The following MMP26 variants were observed in gnomAD, a reference collection of about 807,000 sequenced individuals.
The protein encoded by MMP26 is matrix metallopeptidase 26.
MMP26 carries 33 observed loss-of-function variants against 31.0 expected under a neutral mutation model. The observed-to-expected ratio is 1.06, with a 90% CI of 0.81 to 1.42. MMP26 has a LOEUF of 1.42. Among genes scored for constraint, MMP26 ranks in the 40% most tolerant of loss-of-function variants. The pLI, the probability that MMP26 is intolerant of heterozygous loss-of-function variation, is 0.00. For missense variants in MMP26, 347 were observed against 316.1 expected (o/e 1.10, Z -0.74); for synonymous variants, 122 against 114.9 (o/e 1.06, Z -0.40).
chr11:4,857,602 A>G (rs1442822065), intron 2 of MMP26, among the ~76,000 whole-genome samples: 1 of 152,154 alleles, frequency 6.6e-6, no homozygotes, highest in African/African-American at 2.4e-5. Flanking sequence ...CAACCAAAAA[A>G]AGTCCAGGAC....
At chr11:4,905,279 T>C (rs904835965) in intron 2 of MMP26, among the ~76,000 whole-genome samples, 1 of 152,134 alleles carries the variant, frequency 6.6e-6, no homozygotes, top group African/African-American at 2.4e-5. Context: ...TGGTGGGAGA[T>C]TAATGAGTCA....
At chr11:4,782,018 C>T (rs1023660052) in intron 2 of MMP26, among the ~76,000 whole-genome samples, 1 of 152,158 alleles carries the variant, frequency 6.6e-6, no homozygotes, top group African/African-American at 2.4e-5. Context: ...TTGTAAATTG[C>T]TCAGTCTTGG....
intron 2 of MMP26, among the ~76,000 whole-genome samples, chr11:4,978,511 CA>C (rs1846769682): frequency 6.6e-6 from 1 of 152,086 alleles, no homozygotes. Flanking sequence ...TCTAAACCAA[CA>C]GTGCCCAGCA....
intron 2 of MMP26, among the ~76,000 whole-genome samples, chr11:4,855,624 T>A (rs1850039620): frequency 6.6e-6 from 1 of 152,090 alleles, no homozygotes; most frequent in Non-Finnish European, 1.5e-5. Flanking sequence ...ACAGGGAGAA[T>A]GGAATGAAGT....
chr11:4,946,057 C>T (rs1589947335), intron 2 of MMP26: 2 of 962,414 alleles, frequency 2.1e-6, no homozygotes, highest in Admixed American at 4.6e-5. Context: ...ATGACAACAA[C>T]AAAAATATGT....
intron 2 of MMP26, among the ~76,000 whole-genome samples, chr11:4,970,705 C>A (rs2133630561): frequency 6.6e-6 from 1 of 152,286 alleles, no homozygotes; most frequent in African/African-American, 2.4e-5. Flanking sequence ...CTGGTGAGAC[C>A]AAATGGTCTG....
At chr11:4,793,312 C>T (rs1375104921) in intron 2 of MMP26, among the ~76,000 whole-genome samples, 3 of 152,158 alleles carry the variant, frequency 2.0e-5, no homozygotes, top group Non-Finnish European at 4.4e-5. Flanking sequence ...ACAGAAGCAA[C>T]CAAACTCTTT....
intron 1 of MMP26, among the ~76,000 whole-genome samples, chr11:4,755,373 C>G (rs971892177): frequency 2.0e-5 from 3 of 151,804 alleles, no homozygotes; most frequent in Non-Finnish European, 4.4e-5. Flanking sequence ...AAATATCAGC[C>G]CACATTGAAT....
At chr11:4,832,357 G>GTCT (rs1444194835) in intron 2 of MMP26, 1 of 155,996 alleles carries the variant, frequency 6.4e-6, no homozygotes, top group Non-Finnish European at 1.4e-5. Flanking sequence ...ACCTGGGCCT[G>GTCT]TCTTTCTCCT....
At chr11:4,919,662 A>G (rs1249107128) in intron 2 of MMP26, among the ~76,000 whole-genome samples, 2 of 152,196 alleles carry the variant, frequency 1.3e-5, no homozygotes, top group Non-Finnish European at 2.9e-5. Flanking sequence ...TATGTGTGAT[A>G]TGGCATAACC....
At chr11:4,983,777 T>C (rs773281492) in intron 2 of MMP26, among the ~76,000 whole-genome samples, 1 of 152,238 alleles carries the variant, frequency 6.6e-6, no homozygotes, top group South Asian at 2.1e-4. Flanking sequence ...TTCTGCCTCA[T>C]AACTACTTAA....
At chr11:4,983,945 G>T (rs756426750) in intron 2 of MMP26, among the ~76,000 whole-genome samples, 24 of 152,256 alleles carry the variant, frequency 1.6e-4, no homozygotes, top group Non-Finnish European at 3.2e-4. Flanking sequence ...ACACTGTTGT[G>T]CTTTCAACAC....
intron 2 of MMP26, among the ~76,000 whole-genome samples, chr11:4,893,825 A>G (rs1293553425): frequency 6.6e-6 from 1 of 152,092 alleles, no homozygotes; most frequent in Non-Finnish European, 1.5e-5. Flanking sequence ...ACAATGGCTC[A>G]CACCTGTAAG....
intron 1 of MMP26, among the ~76,000 whole-genome samples, chr11:4,742,594 C>T (rs1229266930): frequency 6.6e-6 from 1 of 151,982 alleles, no homozygotes. Context: ...AGATGGCCTT[C>T]CTCAATTTTT....
At chr11:4,840,832 A>G (rs966694299) in intron 2 of MMP26, among the ~76,000 whole-genome samples, 18 of 152,234 alleles carry the variant, frequency 1.2e-4, no homozygotes, top group African/African-American at 4.1e-4. Flanking sequence ...CCAGGGACCA[A>G]TCCTGGAGAA....
At chr11:4,774,428 T>C (rs973525268) in intron 2 of MMP26, among the ~76,000 whole-genome samples, 2 of 152,206 alleles carry the variant, frequency 1.3e-5, no homozygotes, top group African/African-American at 4.8e-5. Flanking sequence ...ATGTCTTCTT[T>C]TGAGAAGTGT....
chr11:4,991,324 G>C (rs1283496892), intron 5 of MMP26, 47 bp from the exon 6 acceptor site: 1 of 1,585,938 alleles, frequency 6.3e-7, no homozygotes, highest in Non-Finnish European at 8.6e-7. Flanking sequence ...TCTGGCCTTT[G>C]TTTCTACCTC....
intron 2 of MMP26, among the ~76,000 whole-genome samples, chr11:4,986,932 C>CTCTCTCTCTCTCTCTCTCTCT (rs1564819722): frequency 5.0e-5 from 3 of 60,446 alleles, no homozygotes; most frequent in East Asian, 4.6e-4. Flanking sequence ...TCTCTCTCTC[C>CTCTCTCTCTCTCTCTCTCTCT]CTCTCTCTCT....
intron 2 of MMP26, among the ~76,000 whole-genome samples, chr11:4,872,685 C>G (rs572762318): frequency 6.6e-6 from 1 of 152,158 alleles, no homozygotes; most frequent in Admixed American, 6.6e-5. Flanking sequence ...AGCAGCCTTT[C>G]TTTCCATCTT....
Sources: allele counts gnomAD v4.1 joint callset (sites outside exome capture counted in the v4.1 genomes callset), GRCh38; gene constraint gnomAD v4.1.1; transcripts MANE v1.5; gene names NCBI Gene and HGNC (gene_info 2026-07-23, HGNC 2026-07-21).